Variants in PDK1 observed in about 807,000 individuals in gnomAD.
PDK1 encodes [Pyruvate dehydrogenase (acetyl-transferring)] kinase isozyme 1, mitochondrial.
A neutral mutation model predicts 54.2 loss-of-function variants in PDK1; 39 were observed. The observed-to-expected ratio is 0.72, with a 90% CI of 0.56 to 0.94. The LOEUF is 0.94. PDK1 is among the 40% of genes least tolerant of loss of function. PDK1 has a pLI of 0.00. For synonymous variants in PDK1, 221 were observed against 207.1 expected (o/e 1.07, Z -0.58); for missense variants, 552 against 566.0 (o/e 0.98, Z 0.25).
chr2:172,624,864 T>C, the PDK1 span, among the ~76,000 whole-genome samples: 1 of 152,038 alleles, frequency 6.6e-6, no homozygotes, highest in Non-Finnish European at 1.5e-5. Context: ...GTTGTGCACC[T>C]GTAATCCCAG....
the PDK1 span, chr2:172,674,967 A>C: frequency 9.9e-5 from 15 of 152,250 alleles, no homozygotes; most frequent in Admixed American, 9.8e-4. Context: ...AATTCTCACA[A>C]TATTTCACAT....
intron 8 of PDK1, 87 bp from the exon 9 acceptor site, chr2:172,586,191 C>A: frequency 2.7e-6 from 2 of 733,376 alleles, no homozygotes; most frequent in South Asian, 1.6e-5. Context: ...CTCCCACCAG[C>A]AGTTAAACTG....
intron 9 of PDK1, among the ~76,000 whole-genome samples, chr2:172,592,400 CCT>C (rs1321688130): frequency 6.6e-6 from 1 of 151,624 alleles, no homozygotes; most frequent in Non-Finnish European, 1.5e-5. Context: ...TCTCTGACTC[CCT>C]CTTTGTCCCT....
At chr2:172,571,206 T>C (rs1689235497) in intron 8 of PDK1, among the ~76,000 whole-genome samples, 1 of 152,178 alleles carries the variant, frequency 6.6e-6, no homozygotes, top group Non-Finnish European at 1.5e-5. Flanking sequence ...CATTTGATTC[T>C]CATGACGTAG....
intron 9 of PDK1, among the ~76,000 whole-genome samples, chr2:172,590,653 G>A (rs772778259): frequency 6.6e-6 from 1 of 152,146 alleles, no homozygotes; most frequent in Non-Finnish European, 1.5e-5. Context: ...AAGATTTATT[G>A]TGAAGAGTGA....
At chr2:172,620,422 T>G in the PDK1 span, among the ~76,000 whole-genome samples, 145 of 152,116 alleles carry the variant, frequency 9.5e-4, 1 homozygote, top group African/African-American at 3.2e-3. Flanking sequence ...CGATGGCATG[T>G]GAGGGAAGTT....
At chr2:172,562,877 C>A in intron 3 of PDK1, 1 of 1,351,608 alleles carries the variant, frequency 7.4e-7, no homozygotes, top group Non-Finnish European at 1.0e-6. Flanking sequence ...CAGCTACCTG[C>A]TTATTGCAGT....
the PDK1 span, chr2:172,724,188 G>T: frequency 6.6e-6 from 1 of 152,110 alleles, no homozygotes; most frequent in Non-Finnish European, 1.5e-5. Flanking sequence ...AATTTCCACA[G>T]GTAGGTTGCT....
At chr2:172,622,130 ATAT>A in the PDK1 span, among the ~76,000 whole-genome samples, 20 of 75,254 alleles carry the variant, frequency 2.7e-4, no homozygotes, top group Non-Finnish European at 4.0e-4. Context: ...TTTATATCTC[ATAT>A]TATGTGAGAT....
At chr2:172,683,173 T>C in the PDK1 span, among the ~76,000 whole-genome samples, 57 of 151,892 alleles carry the variant, frequency 3.8e-4, no homozygotes, top group Non-Finnish European at 7.4e-4. Context: ...AGTGAAACCC[T>C]GTCTCTACTA....
rs1690981977 is a variant in PDK1, at chr2:172,598,095, G to A, written c.*2126G>A. 6.6e-6 allele frequency: 1 copy of A among 152,142 alleles called. No individual in the cohort carries two copies. The highest frequency in any genetic ancestry group is 2.1e-4 in the South Asian group (1 of 4,824). The allele number at this position is 152,142 out of a possible 1,614,324, so 9.4% of individuals were successfully genotyped here. ...GTGAAAAACAATAGAACATGTTAAT[G>A]AGTAATTTATATTAGTTCGATGTAT... is the stretch of plus-strand genomic sequence containing the variant. On this transcript the variant is annotated 3_prime_UTR_variant, in exon 11 of 11. Transcript: ENST00000282077.
the PDK1 span, among the ~76,000 whole-genome samples, chr2:172,657,826 C>G: frequency 6.6e-6 from 1 of 152,208 alleles, no homozygotes; most frequent in South Asian, 2.1e-4. Context: ...TAAAGGAATG[C>G]CTGAAGCTGG....
At chr2:172,562,690 C>G in intron 3 of PDK1, 2 of 997,332 alleles carry the variant, frequency 2.0e-6, no homozygotes, top group Non-Finnish European at 1.6e-6. Flanking sequence ...AATGTAAAAT[C>G]TCTCACTTTT....
chr2:172,675,604 A>G, the PDK1 span, among the ~76,000 whole-genome samples: 2 of 152,222 alleles, frequency 1.3e-5, no homozygotes, highest in East Asian at 1.9e-4. Flanking sequence ...AGGAAGCTAC[A>G]GCAGAAAAGT....
intron 1 of PDK1, among the ~76,000 whole-genome samples, chr2:172,557,313 C>G (rs1558921355): frequency 6.6e-6 from 1 of 152,190 alleles, no homozygotes; most frequent in Non-Finnish European, 1.5e-5. Context: ...CTACTGTTGA[C>G]AATCTAGTTT....
the PDK1 span, among the ~76,000 whole-genome samples, chr2:172,632,375 T>C: frequency 6.6e-6 from 1 of 152,180 alleles, no homozygotes; most frequent in African/African-American, 2.4e-5. Context: ...TAATAAGTCA[T>C]CCCAACTGCA....
chr2:172,711,920 A>G, the PDK1 span, among the ~76,000 whole-genome samples: 387 of 150,116 alleles, frequency 2.6e-3, 1 homozygote, highest in African/African-American at 8.7e-3. Context: ...AAAGGAGAGG[A>G]AGAGATTATA....
At position 172,597,187 on chromosome 2, in the gene PDK1, G is replaced by C. The variant is rs1690942085; in HGVS notation, c.*1218G>C. Reference sequence around the variant, plus strand: ...AGTGGCATGGTCAAGGCTCACTGCAGCTTCAATCTTCTGGGCTCAAGTAAT... The same window carrying C: ...AGTGGCATGGTCAAGGCTCACTGCACCTTCAATCTTCTGGGCTCAAGTAAT... On this transcript the variant is annotated 3_prime_UTR_variant, in exon 11 of 11. Transcript: ENST00000282077. The C allele has an allele frequency of 6.6e-6, 1 of 151,566 alleles. No homozygotes were observed. Among genetic ancestry groups the C allele is most frequent in the Admixed American group, 6.6e-5 (1 of 15,156 alleles). The allele number at this position is 151,566 out of a possible 1,614,324, so 9.4% of individuals were successfully genotyped here.
At chr2:172,689,240 G>A in the PDK1 span, among the ~76,000 whole-genome samples, 1 of 152,028 alleles carries the variant, frequency 6.6e-6, no homozygotes. Context: ...ACCGATTGGT[G>A]CATTTTTACA....
Sources: allele counts gnomAD v4.1 joint callset (sites outside exome capture counted in the v4.1 genomes callset), GRCh38; gene constraint gnomAD v4.1.1; transcripts MANE v1.5; gene names NCBI Gene and HGNC (gene_info 2026-07-23, HGNC 2026-07-21).